Variants in XYLB observed in about 807,000 individuals in gnomAD.
The protein encoded by XYLB is xylulokinase.
A neutral mutation model predicts 78.7 loss-of-function variants in XYLB; 62 were observed. The ratio of observed to expected loss-of-function variants is 0.79; its 90% CI spans 0.64 to 0.97. The LOEUF (loss-of-function observed/expected upper bound fraction) is 0.97, where lower values mean the gene tolerates loss of function less well. Among genes scored for constraint, XYLB ranks in the 50% least tolerant of loss-of-function variants. The pLI is 0.00. For missense variants in XYLB, 687 were observed against 676.8 expected, an observed-to-expected ratio of 1.02 and a Z score of -0.17; for synonymous variants, 245 against 247.4, an observed-to-expected ratio of 0.99 and a Z score of 0.09.
At chr3:38,440,852 TTCTG>T in the XYLB span, among the ~76,000 whole-genome samples, 29 of 152,022 alleles carry the variant, frequency 1.9e-4, no homozygotes, top group African/African-American at 6.0e-4. Context: ...CTCTCTGACT[TTCTG>T]TCTTTGTCTC....
chr3:38,362,615 T>C (rs955356182), intron 3 of XYLB, among the ~76,000 whole-genome samples: 1 of 152,018 alleles, frequency 6.6e-6, no homozygotes, highest in Non-Finnish European at 1.5e-5. Flanking sequence ...TGAGCTGAGA[T>C]TGCGCCACTC....
At chr3:38,399,215 C>T (rs1017080654) in intron 17 of XYLB, among the ~76,000 whole-genome samples, 4 of 151,914 alleles carry the variant, frequency 2.6e-5, no homozygotes, top group Admixed American at 1.3e-4. Flanking sequence ...TCTTCCCACC[C>T]CCACCTCAGC....
chr3:38,409,569 C>T (rs1260635810), intron 18 of XYLB, among the ~76,000 whole-genome samples: 9 of 152,136 alleles, frequency 5.9e-5, no homozygotes, highest in Non-Finnish European at 7.4e-5. Flanking sequence ...ATAAAGGGTA[C>T]TCAGTTAGGA....
intron 4 of XYLB, among the ~76,000 whole-genome samples, chr3:38,363,690 G>A (rs553491244): frequency 6.6e-6 from 1 of 152,280 alleles, no homozygotes; most frequent in Admixed American, 6.5e-5. Flanking sequence ...ATAGCACAGT[G>A]CCTCCTATTA....
At chr3:38,415,636 A>G (rs979748705), downstream of XYLB, among the ~76,000 whole-genome samples, 3 of 152,114 alleles carry the variant, frequency 2.0e-5, no homozygotes, top group South Asian at 2.1e-4. Flanking sequence ...TACAAAAATT[A>G]GCTGGGTATG....
At chr3:38,359,982 C>T (rs565391325) in intron 2 of XYLB, among the ~76,000 whole-genome samples, 66 of 152,258 alleles carry the variant, frequency 4.3e-4, no homozygotes, top group African/African-American at 9.4e-4. Context: ...CTCTTCCCTC[C>T]GACGCAGCAT....
chr3:38,357,042 G>A (rs1705694041), intron 2 of XYLB: 1 of 152,204 alleles, frequency 6.6e-6, no homozygotes, highest in Non-Finnish European at 1.5e-5. Flanking sequence ...TTGTGAGAAG[G>A]CGGCTGTCTG....
At chr3:38,440,850 C>G in the XYLB span, among the ~76,000 whole-genome samples, 1 of 151,034 alleles carries the variant, frequency 6.6e-6, no homozygotes, top group African/African-American at 2.5e-5. Context: ...TTCTCTCTGA[C>G]TTTCTGTCTT....
At chr3:38,403,729 A>G (rs1159428116) in intron 18 of XYLB, among the ~76,000 whole-genome samples, 1 of 152,140 alleles carries the variant, frequency 6.6e-6, no homozygotes, top group Non-Finnish European at 1.5e-5. Flanking sequence ...GCAAGGAGGA[A>G]GATAACTGGG....
chr3:38,398,383 GC>G (rs752548982), intron 17 of XYLB, among the ~76,000 whole-genome samples: 58 of 151,740 alleles, frequency 3.8e-4, no homozygotes, highest in South Asian at 2.5e-3. Flanking sequence ...CAGGAGAATC[GC>G]TTGAACCCGG....
rs2125647917 is a variant in XYLB, at chr3:38,397,104, T to C, written c.1383T>C (p.Tyr461=). The C allele has an allele frequency of 6.2e-7, 1 of 1,614,184 alleles. No homozygotes were observed. Residue 461 remains tyrosine, a synonymous_variant, in exon 17 of 19, where the codon TAT becomes TAC. Coordinates refer to ENST00000207870, the MANE Select transcript of XYLB (RefSeq NM_005108.4). ...CAGATGTGTTTGATGCCCCGGTGTA[T>C]GTTATAGACACTGCCAACTCGGCCT... ...VLADVFDAPV[Y]VIDTANSACV...
chr3:38,435,875 TA>T, the XYLB span, among the ~76,000 whole-genome samples: 9 of 151,320 alleles, frequency 5.9e-5, no homozygotes, highest in East Asian at 9.6e-4. Flanking sequence ...GAGATGGAAA[TA>T]AAAAAAAATT....
At chr3:38,447,756 C>T in the XYLB span, among the ~76,000 whole-genome samples, 2 of 151,980 alleles carry the variant, frequency 1.3e-5, no homozygotes, top group African/African-American at 4.8e-5. Flanking sequence ...TGGATAGCTA[C>T]CCAAAGGAAA....
At chr3:38,441,647 T>C in the XYLB span, among the ~76,000 whole-genome samples, 1 of 151,616 alleles carries the variant, frequency 6.6e-6, no homozygotes, top group Non-Finnish European at 1.5e-5. Flanking sequence ...CTGATAGCCA[T>C]AAACTTCCTG....
At chr3:38,368,331 C>A in intron 8 of XYLB, 74 bp downstream of exon 8, 1 of 1,373,312 alleles carries the variant, frequency 7.3e-7, no homozygotes, top group Non-Finnish European at 1.0e-6. Flanking sequence ...AGTGGGAGCC[C>A]CACCTACCCC....
At chr3:38,355,964 ACTG>A in intron 2 of XYLB, 1 of 594,218 alleles carries the variant, frequency 1.7e-6, no homozygotes, top group Non-Finnish European at 3.0e-6. Context: ...TAAAGAAAAT[ACTG>A]GGGCCAGGTG....
At chr3:38,434,232 C>A in the XYLB span, among the ~76,000 whole-genome samples, 1 of 152,308 alleles carries the variant, frequency 6.6e-6, no homozygotes, top group South Asian at 2.1e-4. Context: ...TGGGTGGGGA[C>A]ACAGCCAAAC....
At chr3:38,422,010 G>A (rs1708994612), downstream of XYLB, among the ~76,000 whole-genome samples, 1 of 152,114 alleles carries the variant, frequency 6.6e-6, no homozygotes, top group African/African-American at 2.4e-5. Context: ...ACACCCACCT[G>A]ATCAACAGGG....
chr3:38,419,876 G>A (rs891415941), downstream of XYLB, among the ~76,000 whole-genome samples: 4 of 152,012 alleles, frequency 2.6e-5, no homozygotes, highest in Middle Eastern at 3.4e-3. Context: ...CTGGAATGCA[G>A]TGGCACCATC....
Sources: allele counts gnomAD v4.1 joint callset (sites outside exome capture counted in the v4.1 genomes callset), GRCh38; gene constraint gnomAD v4.1.1; transcripts MANE v1.5; gene names NCBI Gene and HGNC (gene_info 2026-07-23, HGNC 2026-07-21).